The following PPFIA4 variants were observed in gnomAD, a reference collection of about 807,000 sequenced individuals.
PPFIA4 encodes the protein PPFI scaffold protein A4.
In PPFIA4, 98 loss-of-function variants were observed where a neutral mutation model predicts 145.7. The observed-to-expected ratio is 0.67, with a 90% CI of 0.57 to 0.80. The LOEUF (loss-of-function observed/expected upper bound fraction) is 0.80. Ranked by LOEUF, PPFIA4 falls within the 30% of genes least tolerant of loss-of-function variation. The pLI, the probability that PPFIA4 is intolerant of heterozygous loss-of-function variation, is 0.00. For synonymous variants in PPFIA4, 628 were observed against 649.6 expected (o/e 0.97, Z 0.51); for missense variants, 1,457 against 1,632.7 (o/e 0.89, Z 1.85).
At chr1:203,063,701 T>G in intron 24 of PPFIA4, 127 bp from the exon 25 acceptor site, 2 of 881,046 alleles carry the variant, frequency 2.3e-6, no homozygotes, top group South Asian at 3.0e-5. Flanking sequence ...TGAAATTGTA[T>G]TGGACTGCCC....
chr1:203,031,362 C>T (rs782794), intron 1 of PPFIA4, among the ~76,000 whole-genome samples: 115,912 of 152,234 alleles, frequency 0.76, 44,295 homozygotes, highest in Admixed American at 0.8. Context: ...CATGAACTAC[C>T]ACTGCACTGG....
At position 203,075,331 on chromosome 1, in the gene PPFIA4, C is replaced by G. The variant is rs1288725929; in HGVS notation, c.3394-246C>G. Among the ~76,000 whole-genome samples, 1 of 152,084 alleles carries G rather than the reference C, an allele frequency of 6.6e-6. No homozygotes were observed. ...AGGATGGCAGACCCAACAAGACTCT[C>G]CCCCGCCCCACACACCCCCTCCATC... On this transcript the variant is annotated intron_variant, in intron 28 of 29. Transcript: ENST00000295706. The surrounding 1 kb of genome is among the most constrained non-coding windows in gnomAD (Gnocchi z 4.1).
intron 1 of PPFIA4, chr1:203,035,642 T>C (rs1009716465): frequency 2.2e-6 from 1 of 456,632 alleles, no homozygotes; most frequent in African/African-American, 2.0e-5. Flanking sequence ...TCAGGACCTG[T>C]GAGTGTTACT....
intron 25 of PPFIA4, among the ~76,000 whole-genome samples, chr1:203,066,071 T>C (rs1661711754): frequency 1.3e-5 from 2 of 152,222 alleles, no homozygotes; most frequent in Admixed American, 1.3e-4. Context: ...GCTGGGTGCC[T>C]CTCAGCTAGG....
chr1:203,028,045 G>A (rs1649547594), intron 1 of PPFIA4, among the ~76,000 whole-genome samples: 1 of 152,158 alleles, frequency 6.6e-6, no homozygotes, highest in African/African-American at 2.4e-5. Context: ...GGCTTCGTGG[G>A]GTAAACGGTA....
At chr1:203,051,401 T>C in intron 13 of PPFIA4, 1 of 851,388 alleles carries the variant, frequency 1.2e-6, no homozygotes, top group Non-Finnish European at 1.4e-6. Context: ...GGAGCCCTCC[T>C]GCGCCACGTG....
chr1:203,055,631 A>G lies in PPFIA4; in HGVS notation c.2029A>G (p.Ser677Gly), dbSNP rs752963922. The G allele has an allele frequency of 2.5e-6, 4 of 1,613,860 alleles. No homozygotes were observed. Among genetic ancestry groups the G allele is most frequent in the East Asian group, 2.2e-5 (1 of 44,902 alleles). ...CTCCACACCTAAGCTCACCTCCCGCAGTGCTGCCCAGGACCTGGACCGAAT... is the reference window on the plus strand; with the variant it reads ...CTCCACACCTAAGCTCACCTCCCGCGGTGCTGCCCAGGACCTGGACCGAAT... ...GRSTPKLTSR[S>G]AAQDLDRMGV... Residue 677 changes from serine to glycine, a missense_variant, in exon 16 of 30, where the codon AGT becomes GGT. Transcript: ENST00000295706. This position sits in a 1 kb window ranked among gnomAD's most constrained non-coding sequence, Gnocchi z 4.8.
intron 27 of PPFIA4, among the ~76,000 whole-genome samples, chr1:203,069,437 ATAAACTC>A (rs1661971806): frequency 6.6e-6 from 1 of 152,198 alleles, no homozygotes; most frequent in Non-Finnish European, 1.5e-5. Context: ...TTATGATTTC[ATAAACTC>A]TGATTGTATT....
In PPFIA4 at chr1:203,039,143, G is replaced by A. The variant is rs1434998672; in HGVS notation, c.135G>A (p.Arg45=). Residue 45 remains arginine (R), a synonymous_variant, in exon 2 of 30, where the codon CGG becomes CGA. Coordinates refer to ENST00000295706, the MANE Select transcript of PPFIA4 (RefSeq NM_001304331.2). ...GGGAGAAGTTGCTGGAGTCTCTTCG[G>A]GAGAGTCAGGAGACCTTGGCGGCCA... ...DEREKLLESL[R]ESQETLAATQ... is the part of the protein sequence containing the mutation. 6.2e-7 allele frequency: 1 copy of A among 1,607,460 alleles called. No individual in the cohort carries two copies. Among genetic ancestry groups the A allele is most frequent in the South Asian group, 1.1e-5 (1 of 90,150 alleles).
chr1:203,075,326 A>C lies in PPFIA4; in HGVS notation c.3394-251A>C, dbSNP rs2102702061. Among the ~76,000 whole-genome samples, 1 of 150,878 alleles carries C rather than the reference A, an allele frequency of 6.6e-6. No individual in the cohort carries two copies. Among genetic ancestry groups the C allele is most frequent in the South Asian group, 2.1e-4 (1 of 4,746 alleles). ...ACTGCAGGATGGCAGACCCAACAAGACTCTCCCCCGCCCCACACACCCCCT... is the reference window on the plus strand; with the variant it reads ...ACTGCAGGATGGCAGACCCAACAAGCCTCTCCCCCGCCCCACACACCCCCT... On this transcript the variant is annotated intron_variant, in intron 28 of 29. Transcript: ENST00000295706. The surrounding 1 kb of genome is among the most constrained non-coding windows in gnomAD (Gnocchi z 4.1).
Position 203,068,360 on chromosome 1 carries a change from G to T in PPFIA4, c.3149-93G>T. ...GGGTCAGAGAGCAGGGTGGACTGCGGCTCTGGGTTTAGGGAGCTCTGCTTC... is the reference window on the plus strand; with the variant it reads ...GGGTCAGAGAGCAGGGTGGACTGCGTCTCTGGGTTTAGGGAGCTCTGCTTC... On this transcript the variant is annotated intron_variant, in intron 26 of 29. Coordinates refer to ENST00000295706, the MANE Select transcript of PPFIA4 (RefSeq NM_001304331.2). The surrounding 1 kb of genome is among the most constrained non-coding windows in gnomAD (Gnocchi z 4.7). 1 of 1,157,234 alleles carries T rather than the reference G, an allele frequency of 8.6e-7. No homozygotes were observed. The highest frequency in any genetic ancestry group is 1.2e-6 in the Non-Finnish European group (1 of 835,268). 71.7% of individuals were successfully genotyped at this position (1,157,234 alleles called of 1,614,324 possible). A position where few individuals can be genotyped will look rare whatever the true frequency, so the allele number is the denominator to read the frequency against.
At chr1:203,027,051 C>T (rs1380949799) in intron 1 of PPFIA4, among the ~76,000 whole-genome samples, 1 of 152,242 alleles carries the variant, frequency 6.6e-6, no homozygotes, top group Admixed American at 6.5e-5. Context: ...GGTCTTCGCT[C>T]TTCGCGGGGG....
rs956690745 is a variant in PPFIA4, at chr1:203,068,228, C to T, written c.3149-225C>T. ...AGCTTGGAGCCTGTTGGCCTGACCC[C>T]GGGTCCTGTAAACTGGCAGGGATGG... On this transcript the variant is annotated intron_variant, in intron 26 of 29. Transcript: ENST00000295706. This position sits in a 1 kb window ranked among gnomAD's most constrained non-coding sequence, Gnocchi z 4.7. Among the ~76,000 whole-genome samples, 2 of 152,132 alleles carry T rather than the reference C, an allele frequency of 1.3e-5. No homozygotes were observed. The highest frequency in any genetic ancestry group is 2.1e-4 in the South Asian group (1 of 4,826).
At position 203,048,922 on chromosome 1, in the gene PPFIA4, C is replaced by T. The variant is rs749814086; in HGVS notation, c.1361C>T (p.Thr454Met). 6.5e-5 allele frequency: 100 copies of T among 1,548,414 alleles called. No homozygotes were observed. The South Asian group carries it at 8.0e-4, about 12-fold the overall frequency. The change falls in exon 12 of 30, where the codon ACG (threonine) becomes ATG (methionine). Residue 454 changes from threonine (T) to methionine (M), a missense_variant. Thr to Met is a moderately conservative substitution (Grantham distance 81). Transcript: ENST00000295706. The surrounding 1 kb of genome is among the most constrained non-coding windows in gnomAD (Gnocchi z 5.8). Reference sequence around the variant, plus strand: ...CTCACAGCTGCTCTCCCCCAGAACACGTTGATCCAGGAGTTGGAGAGCTCC... The same window carrying T: ...CTCACAGCTGCTCTCCCCCAGAACATGTTGATCCAGGAGTTGGAGAGCTCC... ...ERMAALEEKN[T>M]LIQELESSQR...
chr1:203,052,051 C>CCA lies in PPFIA4; in HGVS notation c.1620+175_1620+176insAC, dbSNP rs1553257071. The stretch of plus-strand genomic sequence containing the variant: ...CGTCAGCTGCAACAGCTGTGCCCCC[C>CCA]CCCCCGCTTGCCTTGGCCTCCTGGT... On this transcript the variant is annotated intron_variant, in intron 14 of 29. Coordinates refer to ENST00000295706, the MANE Select transcript of PPFIA4 (RefSeq NM_001304331.2). Among the ~76,000 whole-genome samples, 12 of 136,796 alleles carry CCA rather than the reference C, an allele frequency of 8.8e-5. 1 individual carries two copies. The highest frequency in any genetic ancestry group is 3.2e-4 in the African/African-American group (11 of 34,484). 89.7% of individuals were successfully genotyped at this position (136,796 alleles called of 152,430 possible).
At chr1:203,064,682 G>A (rs958353100) in intron 25 of PPFIA4, among the ~76,000 whole-genome samples, 4 of 152,178 alleles carry the variant, frequency 2.6e-5, no homozygotes, top group African/African-American at 9.7e-5. Context: ...ATACAATTCT[G>A]GATTTCTGGC....
intron 1 of PPFIA4, chr1:203,034,825 T>C (rs1659110314): frequency 2.6e-6 from 1 of 383,538 alleles, no homozygotes; most frequent in Non-Finnish European, 5.2e-6. Flanking sequence ...GAAGGAGTTG[T>C]CTTTACCCTC....
chr1:203,068,337 G>T lies in PPFIA4; in HGVS notation c.3149-116G>T, dbSNP rs1661877221. 6.8e-6 allele frequency: 6 copies of T among 877,124 alleles called. No individual in the cohort carries two copies. The highest frequency in any genetic ancestry group is 9.9e-6 in the Non-Finnish European group (6 of 608,064). The allele number at this position is 877,124 out of a possible 1,614,324, so 54.3% of individuals were successfully genotyped here. Reference sequence around the variant, plus strand: ...ATGGAAATTTAGGGATGGAGTGGGGGTCAGAGAGCAGGGTGGACTGCGGCT... The same window carrying T: ...ATGGAAATTTAGGGATGGAGTGGGGTTCAGAGAGCAGGGTGGACTGCGGCT... On this transcript the variant is annotated intron_variant, in intron 26 of 29. Coordinates refer to ENST00000295706, the MANE Select transcript of PPFIA4 (RefSeq NM_001304331.2). This position sits in a 1 kb window ranked among gnomAD's most constrained non-coding sequence, Gnocchi z 4.7.
chr1:203,038,178 C>G (rs779508484), intron 1 of PPFIA4, among the ~76,000 whole-genome samples: 6 of 152,226 alleles, frequency 3.9e-5, no homozygotes, highest in Admixed American at 1.3e-4. Context: ...TTCTACCCAT[C>G]TGCATTTGCC....
Sources: allele counts gnomAD v4.1 joint callset (sites outside exome capture counted in the v4.1 genomes callset), GRCh38; gene constraint gnomAD v4.1.1; non-coding constraint Gnocchi (gnomAD v3.1); transcripts MANE v1.5; gene names NCBI Gene and HGNC (gene_info 2026-07-23, HGNC 2026-07-21).